NKIRAS1: variants seen among roughly 807,000 people sequenced by gnomAD.
NKIRAS1 encodes NF-kappa-B inhibitor-interacting Ras-like protein 1.
NKIRAS1 carries 16 observed loss-of-function variants against 19.8 expected under a neutral mutation model. The observed-to-expected ratio is 0.81, with a 90% CI of 0.55 to 1.23. The LOEUF (loss-of-function observed/expected upper bound fraction) is 1.23. Among genes scored for constraint, NKIRAS1 ranks in the 50% most tolerant of loss-of-function variants. The pLI is 0.00. For missense variants in NKIRAS1, 184 were observed against 220.0 expected (o/e 0.84, Z 1.04); for synonymous variants, 88 against 79.0 (o/e 1.11, Z -0.61).
At chr3:23,919,074 A>G (rs1456822415), upstream of NKIRAS1, 1 of 676,580 alleles carries the variant, frequency 1.5e-6, no homozygotes, top group Non-Finnish European at 2.6e-6. Flanking sequence ...TGCTTAGTAA[A>G]TAACTTGAGT....
Position 23,893,709 on chromosome 3 carries a change from A to C in NKIRAS1, c.337-372T>G, listed in dbSNP as rs562212221. 3.3e-5 allele frequency among the ~76,000 whole-genome samples: 5 copies of C among 151,210 alleles called. No homozygotes were observed. In the South Asian group the frequency reaches 1.0e-3, roughly 32 times the overall value. On this transcript the variant is annotated intron_variant, in intron 4 of 4. Coordinates refer to ENST00000425478, the MANE Select transcript of NKIRAS1 (RefSeq NM_020345.4). The stretch of plus-strand genomic sequence containing the variant: ...GTACTTGGGAGGCTGCGGCAGGAGA[A>C]TCGCTGGAACCCGGGAGGCAGAGAG...
At chr3:23,920,088 ATG>A (rs1704989114), upstream of NKIRAS1, 6 of 985,892 alleles carry the variant, frequency 6.1e-6, no homozygotes, top group Non-Finnish European at 7.2e-6. Context: ...TTGAAGTTGA[ATG>A]TGCGATAAAA....
chr3:23,945,622 G>GA (rs770058338), intron 1 of NKIRAS1: 1 of 1,151,874 alleles, frequency 8.7e-7, no homozygotes, highest in Non-Finnish European at 1.1e-6. Flanking sequence ...GCGGGTGGGG[G>GA]ATGGCCGGAG....
In NKIRAS1 at chr3:23,946,223, T is replaced by C. The variant is rs995474612; in HGVS notation, c.-140+100A>G. 18 of 985,422 alleles carry C rather than the reference T, an allele frequency of 1.8e-5. No homozygotes were observed. In the South Asian group the frequency reaches 5.2e-4, roughly 28 times the overall value. 61.0% of individuals were successfully genotyped at this position (985,422 alleles called of 1,614,324 possible). On this transcript the variant is annotated intron_variant, in intron 1 of 4. Transcript: ENST00000421515. The stretch of plus-strand genomic sequence containing the variant: ...CCCGAAGCGGGCGCTGACACCGCAG[T>C]GCACCGGACGCCGCACGCTCTTTTC...
chr3:23,914,420 G>A (rs896867465), intron 1 of NKIRAS1, among the ~76,000 whole-genome samples: 3 of 152,210 alleles, frequency 2.0e-5, no homozygotes, highest in Admixed American at 2.0e-4. Flanking sequence ...ATACTGTCAT[G>A]TGGGGAAACC....
Position 23,890,718 on chromosome 3 carries a change from C to G in NKIRAS1, c.*2377G>C. 1.1e-6 allele frequency: 1 copy of G among 908,186 alleles called. No homozygotes were observed. The allele number at this position is 908,186 out of a possible 1,614,324, so 56.3% of individuals were successfully genotyped here. On this transcript the variant is annotated 3_prime_UTR_variant, in exon 5 of 5. Transcript: ENST00000425478. ...GGTAAAGAGTAGGGTATTTCTATAA[C>G]AGATATTATTCAGTCTTATTTCCTA... is the stretch of plus-strand genomic sequence containing the variant.
rs1403505682 is a variant in NKIRAS1 at position 23,945,585 on chromosome 3, G to A, written c.-140+738C>T. 52 of 1,171,284 alleles carry A rather than the reference G, an allele frequency of 4.4e-5. No individual in the cohort carries two copies. The highest frequency in any genetic ancestry group is 5.1e-5 in the Non-Finnish European group (48 of 941,820). The allele number at this position is 1,171,284 out of a possible 1,614,324, so 72.6% of individuals were successfully genotyped here. A position where few individuals can be genotyped will look rare whatever the true frequency, so the allele number is the denominator to read the frequency against. On this transcript the variant is annotated intron_variant, in intron 1 of 4. Transcript: ENST00000421515. ...CCGCCTCCGCGAGGGCACCATGGAG[G>A]TGAATGCAGGTAAGAACCGGACTGC...
intron 1 of NKIRAS1, among the ~76,000 whole-genome samples, chr3:23,929,071 CAT>C (rs1705262572): frequency 2.0e-5 from 3 of 150,406 alleles, no homozygotes; most frequent in African/African-American, 7.3e-5. Context: ...CTGTAAAAAC[CAT>C]GTTTTGTGCC....
intron 1 of NKIRAS1, among the ~76,000 whole-genome samples, chr3:23,940,141 G>A (rs1705465521): frequency 7.1e-6 from 1 of 140,120 alleles, no homozygotes; most frequent in Admixed American, 7.7e-5. Context: ...GACTAGCCTG[G>A]CAACACAGGA....
At chr3:23,943,005 T>A (rs1043019325) in intron 1 of NKIRAS1, among the ~76,000 whole-genome samples, 2 of 152,182 alleles carry the variant, frequency 1.3e-5, no homozygotes, top group African/African-American at 4.8e-5. Context: ...TCCTTCCACA[T>A]CAGTCTCCCA....
At position 23,944,826 on chromosome 3, in the gene NKIRAS1, G is replaced by A. The variant is rs1007704313; in HGVS notation, c.-140+1497C>T. On this transcript the variant is annotated intron_variant, in intron 1 of 4. Coordinates refer to the NKIRAS1 transcript ENST00000421515. ...AGAGACCAGCGTTTGGAGGTCGGTCGGGTGGGAGCGGGGGGTGGGGGTGGG... is the reference window on the plus strand; with the variant it reads ...AGAGACCAGCGTTTGGAGGTCGGTCAGGTGGGAGCGGGGGGTGGGGGTGGG... Among the ~76,000 whole-genome samples the A allele has an allele frequency of 7.3e-5, 11 of 151,658 alleles. No homozygotes were observed. The East Asian group carries it at 2.2e-3, about 30-fold the overall frequency.
intron 4 of NKIRAS1, among the ~76,000 whole-genome samples, chr3:23,893,830 G>A (rs1414752130): frequency 1.4e-5 from 2 of 145,254 alleles, no homozygotes; most frequent in South Asian, 2.2e-4. Flanking sequence ...AAATGCAGAT[G>A]CTCTGTAGTT....
At chr3:23,925,719 ATTGAG>A (rs1705201677) in intron 1 of NKIRAS1, among the ~76,000 whole-genome samples, 1 of 152,168 alleles carries the variant, frequency 6.6e-6, no homozygotes, top group African/African-American at 2.4e-5. Context: ...GCATTCCCTT[ATTGAG>A]TTAATTCATT....
upstream of NKIRAS1, among the ~76,000 whole-genome samples, chr3:23,921,348 T>A (rs1263712203): frequency 6.6e-6 from 1 of 152,178 alleles, no homozygotes; most frequent in Non-Finnish European, 1.5e-5. Context: ...TCTTCCCACT[T>A]TATGTGTGAC....
intron 3 of NKIRAS1, among the ~76,000 whole-genome samples, chr3:23,906,499 T>A (rs1272488853): frequency 2.0e-5 from 3 of 152,224 alleles, no homozygotes; most frequent in Non-Finnish European, 4.4e-5. Flanking sequence ...ACATGTAGAT[T>A]TTCTTTCTCC....
At chr3:23,929,428 T>C (rs1249799968) in intron 1 of NKIRAS1, among the ~76,000 whole-genome samples, 3 of 151,956 alleles carry the variant, frequency 2.0e-5, no homozygotes, top group Non-Finnish European at 4.4e-5. Context: ...AATTTGTTTA[T>C]TTATTTATTT....
At chr3:23,916,086 G>A (rs1419503476) in intron 1 of NKIRAS1, 2 of 152,082 alleles carry the variant, frequency 1.3e-5, no homozygotes, top group Admixed American at 1.3e-4. Context: ...ACCAGATAGA[G>A]ACTCTTAAAA....
At chr3:23,935,979 A>G (rs1253984774) in intron 1 of NKIRAS1, among the ~76,000 whole-genome samples, 1 of 146,192 alleles carries the variant, frequency 6.8e-6, no homozygotes. Flanking sequence ...GCTTCTTGAG[A>G]TGTTCAAGTG....
At chr3:23,900,205 G>A (rs891906962) in intron 4 of NKIRAS1, among the ~76,000 whole-genome samples, 5 of 151,960 alleles carry the variant, frequency 3.3e-5, no homozygotes, top group African/African-American at 1.2e-4. Context: ...CAATACCAAA[G>A]AACATAAAAT....
Sources: gnomAD v4.1 joint callset for allele counts (sites outside exome capture counted in the v4.1 genomes callset) on GRCh38, gnomAD v4.1.1 for gene constraint, MANE v1.5 for transcripts, NCBI Gene and HGNC (gene_info 2026-07-23, HGNC 2026-07-21) for gene names.